USP29: variants seen among roughly 807,000 people sequenced by gnomAD.
USP29 encodes ubiquitin specific peptidase 29, also known as ubiquitin carboxyl-terminal hydrolase 29.
For synonymous variants in USP29, 386 were observed against 387.4 expected, an observed-to-expected ratio of 1.00 and a Z score of 0.04; for missense variants, 1,102 against 1,069.0, an observed-to-expected ratio of 1.03 and a Z score of -0.43.
At position 57,130,156 on chromosome 19, in the gene USP29, G is replaced by A. The variant is rs774452366; in HGVS notation, c.1481G>A (p.Cys494Tyr). The A allele has an allele frequency of 6.2e-7, 1 of 1,614,070 alleles. No homozygotes were observed. The highest frequency in any genetic ancestry group is 8.5e-7 in the Non-Finnish European group (1 of 1,180,024). The change falls in exon 4 of 4, where the codon TGT becomes TAT. Residue 494 changes from cysteine (C) to tyrosine (Y), a missense_variant. Transcript: ENST00000254181. ...TGTCAGATGTGTAAGCAGAAGAGTT[G>A]TGTTGCAAGGCATACATTTAGTAGG... ...YNCQMCKQKS[C>Y]VARHTFSRLS...
Position 57,130,493 on chromosome 19 carries a change from C to T in USP29, c.1818C>T (p.Phe606=). The T allele has an allele frequency of 6.2e-7, 1 of 1,614,142 alleles. No individual in the cohort carries two copies. Among genetic ancestry groups the T allele is most frequent in the South Asian group, 1.1e-5 (1 of 91,062 alleles). Residue 606 remains phenylalanine (F), a synonymous_variant, in exon 4 of 4, where the codon TTC becomes TTT. Coordinates refer to ENST00000254181, the MANE Select transcript of USP29 (RefSeq NM_020903.3). The part of the protein sequence containing the change: ...EPDKNADLQR[F]QRDCGDASQE... ...ACAAGAATGCCGACCTACAAAGATT[C>T]CAGAGAGACTGTGGAGATGCAAGCC...
chr19:57,130,709 C>T lies in USP29; in HGVS notation c.2034C>T (p.Val678=), dbSNP rs1184694856. The change falls in exon 4 of 4, where the codon GTC becomes GTT. Residue 678 remains valine (V), a synonymous_variant. Transcript: ENST00000254181. ...TCAGCAGCCCAGACACAAGGCTTGT[C>T]GAGGTTCATCTTCAAGAGGTGCCTC... ...KLISSPDTRL[V]EVHLQEVPQH... is the part of the protein sequence containing the mutation. The T allele has an allele frequency of 4.3e-6, 7 of 1,614,088 alleles. No homozygotes were observed. The highest frequency in any genetic ancestry group is 1.6e-4 in the Middle Eastern group (1 of 6,062).
chr19:57,128,471 G>A (rs1192234581), intron 3 of USP29, among the ~76,000 whole-genome samples, 189 bp from the exon 4 acceptor site: 1 of 152,164 alleles, frequency 6.6e-6, no homozygotes, highest in Admixed American at 6.5e-5. Flanking sequence ...CCTTGAAAAT[G>A]CGTGTGCCTC....
chr19:57,124,632 C>G (rs904283521), intron 3 of USP29, among the ~76,000 whole-genome samples: 1 of 151,994 alleles, frequency 6.6e-6, no homozygotes, highest in African/African-American at 2.4e-5. Context: ...CCTCAGCCTC[C>G]CCAGTATCTG....
Position 57,128,668 on chromosome 19 carries a change from A to C in USP29, c.-8A>C. On this transcript the variant is annotated 5_prime_UTR_variant, in exon 4 of 4. Coordinates refer to ENST00000254181, the MANE Select transcript of USP29 (RefSeq NM_020903.3). ...GTGCTTTTCTTCTTTAGGTTACATA[A>C]AGAAAGGATGATATCTCTAAAGGTA... 1 of 1,547,402 alleles carries C rather than the reference A, an allele frequency of 6.5e-7. No homozygotes were observed. The highest frequency in any genetic ancestry group is 8.7e-7 in the Non-Finnish European group (1 of 1,152,840).
At chr19:57,127,627 C>G (rs568150014) in intron 3 of USP29, among the ~76,000 whole-genome samples, 1 of 152,280 alleles carries the variant, frequency 6.6e-6, no homozygotes, top group South Asian at 2.1e-4. Context: ...TGCGCCTCCC[C>G]CAACCAAGTT....
Position 57,129,592 on chromosome 19 carries a change from T to G in USP29, c.917T>G (p.Ile306Ser), listed in dbSNP as rs200946920. Residue 306 changes from isoleucine (I) to serine (S), a missense_variant, in exon 4 of 4, where the codon ATT becomes AGT. Ile to Ser is a moderately radical substitution (Grantham distance 142, BLOSUM62 -2). Transcript: ENST00000254181. ...GCAGTTTTACAATCGCTATTTGCAA[T>G]TCCATCTTTTGCTGATGACTTACTC... is the stretch of plus-strand genomic sequence containing the variant. ...MNAVLQSLFA[I>S]PSFADDLLTQ... 3 of 1,614,230 alleles carry G rather than the reference T, an allele frequency of 1.9e-6. No individual in the cohort carries two copies. Among genetic ancestry groups the G allele is most frequent in the Non-Finnish European group, 2.5e-6 (3 of 1,180,036 alleles).
chr19:57,122,840 G>A (rs1021747043), intron 2 of USP29, among the ~76,000 whole-genome samples: 3 of 152,028 alleles, frequency 2.0e-5, no homozygotes, highest in Non-Finnish European at 4.4e-5. Flanking sequence ...TCTAATTTTT[G>A]TGATTCCTCC....
chr19:57,124,491 G>GA (rs1599915593), intron 3 of USP29, among the ~76,000 whole-genome samples: 1 of 139,762 alleles, frequency 7.2e-6, no homozygotes, highest in Non-Finnish European at 1.6e-5. Flanking sequence ...TTTCTTTTTT[G>GA]TTTTTTTTTT....
chr19:57,126,430 A>G (rs1463944525), intron 3 of USP29, among the ~76,000 whole-genome samples: 1 of 151,942 alleles, frequency 6.6e-6, no homozygotes, highest in African/African-American at 2.4e-5. Context: ...ACATAGTCCC[A>G]TGTTTCTTGG....
rs1482296121 is a variant in USP29, at chr19:57,129,261, A to G, written c.586A>G (p.Lys196Glu). ...EDNPVPNKKY[K>E]TDSLKYIQSN... ...TAACCCTGTACCAAACAAGAAATAT[A>G]AGACAGATTCCTTGAAATATATACA... Residue 196 changes from lysine to glutamate, a missense_variant, in exon 4 of 4, where the codon AAG (lysine) becomes GAG (glutamate). Lys to Glu is a moderately conservative substitution (Grantham distance 56). Coordinates refer to ENST00000254181, the MANE Select transcript of USP29 (RefSeq NM_020903.3). 6.2e-7 allele frequency: 1 copy of G among 1,613,106 alleles called. No homozygotes were observed. Among genetic ancestry groups the G allele is most frequent in the Admixed American group, 1.7e-5 (1 of 59,780 alleles).
At position 57,129,284 on chromosome 19, in the gene USP29, A is replaced by G. The variant is rs948627585; in HGVS notation, c.609A>G (p.Ile203Met). 1 of 1,613,942 alleles carries G rather than the reference A, an allele frequency of 6.2e-7. No homozygotes were observed. Among genetic ancestry groups the G allele is most frequent in the South Asian group, 1.1e-5 (1 of 91,016 alleles). ...KKYKTDSLKYIQSNRKNPSSL... is the reference protein window; with the variant it reads ...KKYKTDSLKYMQSNRKNPSSL... ...ATAAGACAGATTCCTTGAAATATAT[A>G]CAAAGCAATAGGAAGAACCCATCAA... is the stretch of plus-strand genomic sequence containing the variant. Residue 203 changes from isoleucine to methionine, a missense_variant, in exon 4 of 4, where the codon ATA becomes ATG. Ile to Met is a conservative substitution (Grantham distance 10). Transcript: ENST00000254181.
chr19:57,124,840 A>T (rs939375013), intron 3 of USP29, among the ~76,000 whole-genome samples: 1 of 152,092 alleles, frequency 6.6e-6, no homozygotes, highest in African/African-American at 2.4e-5. Flanking sequence ...TAATTTTGTT[A>T]TTTAACCAGT....
Position 57,130,900 on chromosome 19 carries a change from T to A in USP29, c.2225T>A (p.Ile742Asn). 1 of 1,614,046 alleles carries A rather than the reference T, an allele frequency of 6.2e-7. No individual in the cohort carries two copies. The change falls in exon 4 of 4, where the codon ATC (isoleucine) becomes AAC (asparagine). Residue 742 changes from isoleucine to asparagine, a missense_variant. Transcript: ENST00000254181. ...EQLQQCIEES[I>N]IDEFLQQAPP... is the part of the protein sequence containing the mutation. ...CTCCAGCAGTGTATTGAGGAGAGCA[T>A]CATAGATGAATTTCTTCAGCAGGCA...
At chr19:57,124,814 T>C (rs1199144401) in intron 3 of USP29, among the ~76,000 whole-genome samples, 1 of 152,142 alleles carries the variant, frequency 6.6e-6, no homozygotes, top group Non-Finnish European at 1.5e-5. Flanking sequence ...CAGACAGAAC[T>C]TCTTTATTTT....
chr19:57,121,656 CAT>C (rs1018066124), intron 1 of USP29, among the ~76,000 whole-genome samples: 4 of 146,102 alleles, frequency 2.7e-5, no homozygotes, highest in Non-Finnish European at 6.0e-5. Flanking sequence ...TATATACTTA[CAT>C]ATGTTATATA....
Position 57,130,962 on chromosome 19 carries a change from C to G in USP29, c.2287C>G (p.His763Asp). Residue 763 changes from histidine to aspartate, a missense_variant, in exon 4 of 4, where the codon CAT becomes GAT. Transcript: ENST00000254181. ...PGVRKLDAQE[H>D]TEETLNQSTE... Reference sequence around the variant, plus strand: ...TGTTAGGAAGCTGGATGCCCAGGAACATACAGAAGAGACCCTCAATCAGTC... The same window carrying G: ...TGTTAGGAAGCTGGATGCCCAGGAAGATACAGAAGAGACCCTCAATCAGTC... The G allele has an allele frequency of 6.2e-7, 1 of 1,614,180 alleles. No homozygotes were observed. The highest frequency in any genetic ancestry group is 8.5e-7 in the Non-Finnish European group (1 of 1,180,044).
intron 3 of USP29, among the ~76,000 whole-genome samples, chr19:57,127,536 GTGAACTTTGCCCAGTCCAAA>G (rs2086830017): frequency 6.6e-6 from 1 of 152,198 alleles, no homozygotes; most frequent in Non-Finnish European, 1.5e-5. Context: ...CCATGCTGTG[GTGAACTTTGCCCAGTCCAAA>G]CCTCCCACCC....
At chr19:57,126,087 C>G (rs1376260388) in intron 3 of USP29, among the ~76,000 whole-genome samples, 1 of 152,116 alleles carries the variant, frequency 6.6e-6, no homozygotes, top group Non-Finnish European at 1.5e-5. Flanking sequence ...ATATTGGCCC[C>G]CACTGTCTTC....
Sources: allele counts gnomAD v4.1 joint callset (sites outside exome capture counted in the v4.1 genomes callset), GRCh38; gene constraint gnomAD v4.1.1; transcripts MANE v1.5; gene names NCBI Gene and HGNC (gene_info 2026-07-23, HGNC 2026-07-21).